The following SPTBN4 variants were observed in gnomAD, a reference collection of about 807,000 sequenced individuals.
SPTBN4 encodes the protein spectrin beta chain, non-erythrocytic 4.
In SPTBN4, 96 loss-of-function variants were observed where a neutral mutation model predicts 277.8. The ratio of observed to expected loss-of-function variants is 0.35; its 90% CI spans 0.29 to 0.41. The LOEUF (loss-of-function observed/expected upper bound fraction) is 0.41, where lower values mean the gene tolerates loss of function less well. SPTBN4 is among the 10% of genes least tolerant of loss of function. The pLI, the probability that SPTBN4 is intolerant of heterozygous loss-of-function variation, is 1.00. For missense variants in SPTBN4, 3,006 were observed against 3,595.7 expected, an observed-to-expected ratio of 0.84 and a Z score of 4.19; for synonymous variants, 1,481 against 1,580.3, an observed-to-expected ratio of 0.94 and a Z score of 1.49.
chr19:40,571,984 G>C, intron 33 of SPTBN4, 35 bp from the exon 34 acceptor site: 1 of 1,511,946 alleles, frequency 6.6e-7, no homozygotes, highest in Non-Finnish European at 8.9e-7. Context: ...GCAGAGTGCT[G>C]CGGCTCTGCC....
At chr19:40,561,119 T>G (rs1450741462) in intron 27 of SPTBN4, among the ~76,000 whole-genome samples, 1 of 152,130 alleles carries the variant, frequency 6.6e-6, no homozygotes, top group African/African-American at 2.4e-5. Context: ...GTTCAAGCGA[T>G]TCTCCTGCCT....
chr19:40,468,218 C>T (rs1276434656), intron 1 of SPTBN4, among the ~76,000 whole-genome samples: 3 of 151,934 alleles, frequency 2.0e-5, no homozygotes, highest in Non-Finnish European at 4.4e-5. Flanking sequence ...GCTGGGATTA[C>T]GGGCATGAGC....
At chr19:40,499,701 C>T (rs779238885) in intron 7 of SPTBN4, among the ~76,000 whole-genome samples, 43 of 152,014 alleles carry the variant, frequency 2.8e-4, no homozygotes, top group Non-Finnish European at 4.6e-4. Context: ...CTGGCTTAAC[C>T]TGTCTTCCAA....
chr19:40,472,663 G>A lies in SPTBN4; in HGVS notation c.42G>A (p.Leu14=), dbSNP rs910610977. Residue 14 remains leucine (L), a synonymous_variant, in exon 2 of 36, where the codon CTG becomes CTA. Coordinates refer to ENST00000598249, the MANE Select transcript of SPTBN4 (RefSeq NM_020971.3). ...VPGEVDNMEG[L]PAPNNNPAAR... ...GGGAAGTGGACAACATGGAGGGCCT[G>A]CCTGCTCCTAACAACAACCCTGCTG... 3.4e-5 allele frequency: 55 copies of A among 1,613,790 alleles called. No homozygotes were observed. Among genetic ancestry groups the A allele is most frequent in the Non-Finnish European group, 4.3e-5 (51 of 1,179,948 alleles).
intron 3 of SPTBN4, among the ~76,000 whole-genome samples, chr19:40,489,173 G>A (rs1005898929): frequency 6.7e-6 from 1 of 148,244 alleles, no homozygotes; most frequent in African/African-American, 2.5e-5. Flanking sequence ...ACTCCAGCCT[G>A]GGCGACAGAG....
At position 40,557,098 on chromosome 19, in the gene SPTBN4, C is replaced by A. The variant is rs2080989292; in HGVS notation, c.5365C>A (p.Gln1789Lys). 6.2e-7 allele frequency: 1 copy of A among 1,602,072 alleles called. No homozygotes were observed. Reference sequence around the variant, plus strand: ...GCGGGAACGGCTGGCAGCTGTGAACCAGATGGTGGATGAGCTGATCGAGTG... The same window carrying A: ...GCGGGAACGGCTGGCAGCTGTGAACAAGATGGTGGATGAGCTGATCGAGTG... ...AGRERLAAVN[Q>K]MVDELIECGH... Residue 1789 changes from glutamine (Q) to lysine (K), a missense_variant, in exon 26 of 36, where the codon CAG (glutamine) becomes AAG (lysine). This residue lies in a region of SPTBN4 where 425 missense variants were observed against 594.7 expected (regional missense o/e 0.71). Coordinates refer to ENST00000598249, the MANE Select transcript of SPTBN4 (RefSeq NM_020971.3).
At chr19:40,484,788 CG>C (rs1370989792) in intron 2 of SPTBN4, among the ~76,000 whole-genome samples, 3 of 151,624 alleles carry the variant, frequency 2.0e-5, no homozygotes, top group Admixed American at 2.0e-4. Flanking sequence ...AAAAATTAGC[CG>C]GGCGTGGTGG....
At chr19:40,486,366 A>G (rs1302758264) in intron 2 of SPTBN4, among the ~76,000 whole-genome samples, 1 of 150,622 alleles carries the variant, frequency 6.6e-6, no homozygotes. Flanking sequence ...TTGCTGGTGC[A>G]GCAACTTTTT....
chr19:40,496,274 T>C (rs754679689), intron 6 of SPTBN4, among the ~76,000 whole-genome samples: 1 of 152,180 alleles, frequency 6.6e-6, no homozygotes, highest in Non-Finnish European at 1.5e-5. Flanking sequence ...CTCAGCGTCC[T>C]GAGTAGCTAG....
Position 40,554,666 on chromosome 19 carries a change from G to A in SPTBN4, c.5084+20G>A, listed in dbSNP as rs544891597. The A allele has an allele frequency of 2.9e-5, 46 of 1,594,058 alleles. No individual in the cohort carries two copies. In the African/African-American group the frequency reaches 4.4e-4, roughly 15 times the overall value. On this transcript the variant is annotated intron_variant, in intron 24 of 35. Coordinates refer to ENST00000598249, the MANE Select transcript of SPTBN4 (RefSeq NM_020971.3). This position sits in a 1 kb window ranked among gnomAD's most constrained non-coding sequence, Gnocchi z 5.7. The stretch of plus-strand genomic sequence containing the variant: ...GGACAGGTGGGCGGGCGCGTGGCCA[G>A]TTCACAGGAATGGTCCAGCAGGACC...
At chr19:40,557,444 G>A (rs771607284) in intron 26 of SPTBN4, 41 bp downstream of exon 26, 22 of 1,516,478 alleles carry the variant, frequency 1.5e-5, no homozygotes, top group Non-Finnish European at 1.9e-5. Flanking sequence ...GGAGGGCCTG[G>A]ACAGCTGTGG....
chr19:40,506,206 A>G (rs1384291696), intron 12 of SPTBN4, 30 bp from the exon 13 acceptor site: 1 of 1,589,942 alleles, frequency 6.3e-7, no homozygotes, highest in Non-Finnish European at 8.6e-7. Context: ...GCAGTGCCAG[A>G]GGTGTGCTCA....
At chr19:40,551,419 A>G (rs1015508818) in intron 22 of SPTBN4, among the ~76,000 whole-genome samples, 4 of 147,300 alleles carry the variant, frequency 2.7e-5, no homozygotes, top group African/African-American at 1.0e-4. Flanking sequence ...ACACACACAC[A>G]CGTCCCCCAA....
chr19:40,508,056 G>A (rs2080349441), intron 13 of SPTBN4, among the ~76,000 whole-genome samples: 1 of 152,182 alleles, frequency 6.6e-6, no homozygotes, highest in Non-Finnish European at 1.5e-5. Flanking sequence ...GCTCACAGTG[G>A]GTTCCATCAT....
At chr19:40,472,848 G>A (rs1176075859) in intron 2 of SPTBN4, 58 bp downstream of exon 2, 24 of 1,441,874 alleles carry the variant, frequency 1.7e-5, no homozygotes, top group Admixed American at 4.5e-5. Flanking sequence ...AAGGGTGCCC[G>A]AGAACCTTGG....
In SPTBN4 at chr19:40,560,836, T is replaced by C; in HGVS notation, c.5915+433T>C. The C allele has an allele frequency of 1.2e-6, 1 of 822,738 alleles. No individual in the cohort carries two copies. Among genetic ancestry groups the C allele is most frequent in the Non-Finnish European group, 1.5e-6 (1 of 656,268 alleles). The allele number at this position is 822,738 out of a possible 1,614,324, so 51.0% of individuals were successfully genotyped here. On this transcript the variant is annotated intron_variant, in intron 27 of 35. Transcript: ENST00000598249. The surrounding 1 kb of genome is among the most constrained non-coding windows in gnomAD (Gnocchi z 5.2). Reference sequence around the variant, plus strand: ...GAGTGTCCAGCAGAATCCTGTCCCCTGGTGATTGGGAGCCAGGGTCCTTCC... The same window carrying C: ...GAGTGTCCAGCAGAATCCTGTCCCCCGGTGATTGGGAGCCAGGGTCCTTCC...
Position 40,523,490 on chromosome 19 carries a change from G to T in SPTBN4, c.3708G>T (p.Glu1236Asp). The T allele has an allele frequency of 1.2e-6, 2 of 1,613,698 alleles. No individual in the cohort carries two copies. Among genetic ancestry groups the T allele is most frequent in the South Asian group, 2.2e-5 (2 of 90,914 alleles). ...ELPGTVESVE[E>D]ALKQHRDFLT... is the part of the protein sequence containing the mutation. The stretch of plus-strand genomic sequence containing the variant: ...CGGGCACAGTGGAATCGGTGGAGGA[G>T]GCCTTGAAACAGCACCGTGACTTTC... Residue 1236 changes from glutamate (E) to aspartate (D), a missense_variant, in exon 17 of 36, where the codon GAG (glutamate) becomes GAT (aspartate). Physicochemically the swap from Glu to Asp is conservative, Grantham distance 45. This residue lies in a region of SPTBN4 where 1,759 missense variants were observed against 2,061.5 expected (regional missense o/e 0.85). Coordinates refer to ENST00000598249, the MANE Select transcript of SPTBN4 (RefSeq NM_020971.3).
chr19:40,467,461 A>G (rs1438843697), intron 1 of SPTBN4, among the ~76,000 whole-genome samples, 156 bp downstream of exon 1: 2 of 151,714 alleles, frequency 1.3e-5, no homozygotes, highest in Non-Finnish European at 2.9e-5. Context: ...CAACCCCCCC[A>G]CCCGGTCTAG....
rs377536065 is a variant in SPTBN4, at chr19:40,515,352, G to C, written c.2807G>C (p.Arg936Pro). ...LDQEMNSLMG[R>P]VLDVNHTVQE... The stretch of plus-strand genomic sequence containing the variant: ...CAAGAGATGAACAGCCTGATGGGCC[G>C]CGTTCTGGACGTGAACCACACAGTC... Residue 936 changes from arginine (R) to proline (P), a missense_variant, in exon 15 of 36, where the codon CGC (arginine) becomes CCC (proline). Coordinates refer to ENST00000598249, the MANE Select transcript of SPTBN4 (RefSeq NM_020971.3). The surrounding 1 kb of genome is among the most constrained non-coding windows in gnomAD (Gnocchi z 4.1). 1 of 1,611,094 alleles carries C rather than the reference G, an allele frequency of 6.2e-7. No homozygotes were observed. The highest frequency in any genetic ancestry group is 8.5e-7 in the Non-Finnish European group (1 of 1,178,902).
Sources: gnomAD v4.1 joint callset for allele counts (sites outside exome capture counted in the v4.1 genomes callset) on GRCh38, gnomAD v4.1.1 for gene constraint, gnomAD v4.1.1 regional missense constraint, Gnocchi (gnomAD v3.1) non-coding constraint, MANE v1.5 for transcripts, NCBI Gene and HGNC (gene_info 2026-07-23, HGNC 2026-07-21) for gene names.